The following IMMP2L variants were observed in gnomAD, a reference collection of about 807,000 sequenced individuals.
IMMP2L encodes the protein mitochondrial inner membrane protease subunit 2.
A neutral mutation model predicts 19.3 loss-of-function variants in IMMP2L; 18 were observed. The ratio of observed to expected loss-of-function variants is 0.93; its 90% CI spans 0.64 to 1.38. The LOEUF (loss-of-function observed/expected upper bound fraction) is 1.38, where lower values mean the gene tolerates loss of function less well. Ranked by LOEUF, IMMP2L falls within the 40% of genes most tolerant of loss-of-function variation. The probability of loss-of-function intolerance (pLI) is 0.00; values close to 1 mark genes in which losing one functional copy is unlikely to be tolerated. For synonymous variants in IMMP2L, 76 were observed against 73.0 expected (o/e 1.04, Z -0.21); for missense variants, 233 against 218.2 (o/e 1.07, Z -0.43).
chr7:111,006,443 T>C lies in IMMP2L; in HGVS notation c.240-42878A>G, dbSNP rs74612787. On this transcript the variant is annotated intron_variant, in intron 3 of 5. Coordinates refer to ENST00000405709, the MANE Select transcript of IMMP2L (RefSeq NM_032549.4). ...ACTAAAAGTGATTCCAGGAAACAAC[T>C]AGTTTAATCCCTTGAAGCAAAAGCA... is the stretch of plus-strand genomic sequence containing the variant. Among the ~76,000 whole-genome samples the C allele has an allele frequency of 3.3e-5, 5 of 152,306 alleles. No individual in the cohort carries two copies. In the East Asian group the frequency reaches 9.6e-4, roughly 29 times the overall value.
intron 3 of IMMP2L, among the ~76,000 whole-genome samples, chr7:111,354,907 A>G (rs567347962): frequency 4.3e-4 from 66 of 151,922 alleles, no homozygotes; most frequent in Non-Finnish European, 7.7e-4. Flanking sequence ...TCATTCGACA[A>G]AAAGTTAAAT....
At chr7:111,040,761 C>T (rs1292057035) in intron 3 of IMMP2L, among the ~76,000 whole-genome samples, 1 of 148,334 alleles carries the variant, frequency 6.7e-6, no homozygotes, top group Admixed American at 6.8e-5. Flanking sequence ...CTTATAAAAC[C>T]TTATAAAACT....
intron 1 of IMMP2L, among the ~76,000 whole-genome samples, chr7:111,556,040 A>ATATATATATATATATATATATATC (rs1264908580): frequency 7.2e-6 from 1 of 139,356 alleles, no homozygotes; most frequent in Non-Finnish European, 1.6e-5. Context: ...ATATATACAT[A>ATATATATATATATATATATATATC]CCCAAAGAAA....
At chr7:111,207,397 T>C (rs570791431) in intron 3 of IMMP2L, among the ~76,000 whole-genome samples, 4 of 152,294 alleles carry the variant, frequency 2.6e-5, no homozygotes, top group African/African-American at 9.6e-5. Context: ...TTAGTCATTA[T>C]TATGCTGACT....
intron 5 of IMMP2L, among the ~76,000 whole-genome samples, chr7:110,772,216 G>A (rs1799086969): frequency 6.6e-6 from 1 of 151,850 alleles, no homozygotes; most frequent in Non-Finnish European, 1.5e-5. Flanking sequence ...ACTTCGTGGA[G>A]TCTACACATT....
chr7:111,170,024 C>T (rs1483906649), intron 3 of IMMP2L, among the ~76,000 whole-genome samples: 1 of 151,846 alleles, frequency 6.6e-6, no homozygotes, highest in Non-Finnish European at 1.5e-5. Flanking sequence ...TGTAATAGCA[C>T]ATCTATATTG....
intron 3 of IMMP2L, among the ~76,000 whole-genome samples, chr7:111,030,778 A>G (rs1790674195): frequency 1.1e-5 from 1 of 92,840 alleles, no homozygotes; most frequent in South Asian, 2.9e-4. Context: ...AAATAAAAGC[A>G]AAAGTATATA....
chr7:110,693,286 C>G (rs1361259630), intron 5 of IMMP2L, among the ~76,000 whole-genome samples: 4 of 152,198 alleles, frequency 2.6e-5, no homozygotes, highest in Admixed American at 1.3e-4. Flanking sequence ...AAAATCGCAT[C>G]TGTCTCAACC....
chr7:110,736,158 T>C (rs1464797604), intron 5 of IMMP2L, among the ~76,000 whole-genome samples: 1 of 152,122 alleles, frequency 6.6e-6, no homozygotes, highest in Non-Finnish European at 1.5e-5. Context: ...TCTGCAGGCA[T>C]GCAGAGTACA....
intron 3 of IMMP2L, among the ~76,000 whole-genome samples, chr7:111,005,002 T>C (rs1331864607): frequency 1.3e-5 from 2 of 152,168 alleles, no homozygotes; most frequent in African/African-American, 4.8e-5. Context: ...ATCCAATATA[T>C]GTTACAGCTA....
At chr7:111,148,046 C>T (rs1479208500) in intron 3 of IMMP2L, among the ~76,000 whole-genome samples, 2 of 152,002 alleles carry the variant, frequency 1.3e-5, no homozygotes, top group Non-Finnish European at 2.9e-5. Flanking sequence ...CTATGCTAAA[C>T]CCTCTACACC....
chr7:111,301,873 A>C (rs566197035), intron 3 of IMMP2L, among the ~76,000 whole-genome samples: 16 of 143,660 alleles, frequency 1.1e-4, no homozygotes, highest in African/African-American at 3.6e-4. Flanking sequence ...AGTAGGTCTT[A>C]TCAAAATGGT....
Position 111,465,577 on chromosome 7 carries a change from C to T in IMMP2L, c.239+21661G>A, listed in dbSNP as rs375406997. ...CAGCCAAAAGACACATGAAAAAATG[C>T]TCATCATCACTGGCCATCAGAGAAA... On this transcript the variant is annotated intron_variant, in intron 3 of 5. Coordinates refer to ENST00000405709, the MANE Select transcript of IMMP2L (RefSeq NM_032549.4). Among the ~76,000 whole-genome samples, 306 of 149,194 alleles carry T rather than the reference C, an allele frequency of 2.1e-3. 3 individuals are homozygous for T. Among genetic ancestry groups the T allele is most frequent in the African/African-American group, 7.2e-3 (293 of 40,594 alleles).
rs369929878 is a variant in IMMP2L, at chr7:110,897,383, A to T, written c.306-10688T>A. 1.7e-3 allele frequency among the ~76,000 whole-genome samples: 265 copies of T among 152,322 alleles called. 2 individuals carry two copies. The highest frequency in any genetic ancestry group is 6.0e-3 in the African/African-American group (251 of 41,580). On this transcript the variant is annotated intron_variant, in intron 4 of 5. Transcript: ENST00000405709. ...CAGATGAGACAGGAAAAACTGCTTA[A>T]ATTCACTAGTAGTCAGGAAAATACA... is the stretch of plus-strand genomic sequence containing the variant.
chr7:110,968,129 A>G (rs902308422), intron 3 of IMMP2L, among the ~76,000 whole-genome samples: 2 of 151,980 alleles, frequency 1.3e-5, no homozygotes, highest in African/African-American at 4.8e-5. Flanking sequence ...GCTGTAAGTG[A>G]GCTGCTCCCT....
chr7:110,945,616 A>G (rs2129553502), intron 4 of IMMP2L, among the ~76,000 whole-genome samples: 1 of 152,112 alleles, frequency 6.6e-6, no homozygotes, highest in Non-Finnish European at 1.5e-5. Flanking sequence ...TTCTATAGAA[A>G]AAGTAATTAT....
chr7:111,329,953 C>T (rs1825712463), intron 3 of IMMP2L, among the ~76,000 whole-genome samples: 2 of 151,822 alleles, frequency 1.3e-5, no homozygotes, highest in Admixed American at 6.6e-5. Flanking sequence ...ATTCCACCCT[C>T]TCACACAAAC....
intron 3 of IMMP2L, among the ~76,000 whole-genome samples, chr7:111,426,088 G>A (rs1296669952): frequency 1.3e-5 from 2 of 151,082 alleles, no homozygotes; most frequent in Non-Finnish European, 3.0e-5. Flanking sequence ...ATTGGGTACA[G>A]GGAGCAGAAA....
At chr7:111,317,239 G>A (rs1023690682) in intron 3 of IMMP2L, among the ~76,000 whole-genome samples, 11 of 151,988 alleles carry the variant, frequency 7.2e-5, no homozygotes, top group African/African-American at 1.7e-4. Flanking sequence ...TACCCACTCA[G>A]GCCTACCTCA....
Sources: gnomAD v4.1 joint callset for allele counts (sites outside exome capture counted in the v4.1 genomes callset) on GRCh38, gnomAD v4.1.1 for gene constraint, MANE v1.5 for transcripts, NCBI Gene and HGNC (gene_info 2026-07-23, HGNC 2026-07-21) for gene names.